The following ATRNL1 variants were observed in gnomAD, a reference collection of about 807,000 sequenced individuals.
The protein encoded by ATRNL1 is attractin-like protein 1.
ATRNL1 carries 95 observed loss-of-function variants against 182.7 expected under a neutral mutation model. That is an observed-to-expected ratio of 0.52 (90% CI 0.44 to 0.62). The LOEUF is 0.62. Ranked by LOEUF, ATRNL1 falls within the 20% of genes least tolerant of loss-of-function variation. The pLI, the probability that ATRNL1 is intolerant of heterozygous loss-of-function variation, is 0.00. For missense variants in ATRNL1, 1,471 were observed against 1,679.5 expected, an observed-to-expected ratio of 0.88 and a Z score of 2.17; for synonymous variants, 576 against 568.3, an observed-to-expected ratio of 1.01 and a Z score of -0.19.
intron 25 of ATRNL1, among the ~76,000 whole-genome samples, chr10:115,539,027 G>GATA (rs1554991242): frequency 1.2e-4 from 18 of 152,268 alleles, no homozygotes; most frequent in Non-Finnish European, 1.9e-4. Context: ...ATGTGTAGTA[G>GATA]GGTATACCAT....
chr10:115,228,798 T>C (rs1178798294), intron 9 of ATRNL1, among the ~76,000 whole-genome samples: 2 of 148,294 alleles, frequency 1.3e-5, no homozygotes, highest in Non-Finnish European at 3.0e-5. Flanking sequence ...GAAGTTTCGC[T>C]CTTGTTTCCC....
intron 27 of ATRNL1, among the ~76,000 whole-genome samples, chr10:115,842,529 T>A (rs1431667784): frequency 1.3e-5 from 2 of 152,100 alleles, no homozygotes; most frequent in East Asian, 3.9e-4. Context: ...CATTTTCCAG[T>A]TGGGGAAACT....
At chr10:115,693,492 T>C (rs1241430071) in intron 26 of ATRNL1, among the ~76,000 whole-genome samples, 1 of 152,150 alleles carries the variant, frequency 6.6e-6, no homozygotes, top group Non-Finnish European at 1.5e-5. Flanking sequence ...CAAGCTGAAA[T>C]GTAAGACAAT....
At chr10:115,402,244 G>C (rs1259180925) in intron 20 of ATRNL1, among the ~76,000 whole-genome samples, 2 of 152,090 alleles carry the variant, frequency 1.3e-5, no homozygotes, top group Non-Finnish European at 2.9e-5. Flanking sequence ...ATATTTATGA[G>C]CACATTTTTC....
chr10:115,543,538 AATAT>A (rs1476650030), intron 25 of ATRNL1, among the ~76,000 whole-genome samples: 1 of 152,178 alleles, frequency 6.6e-6, no homozygotes, highest in Non-Finnish European at 1.5e-5. Flanking sequence ...CATCTTTTAA[AATAT>A]GTACTTAAGA....
chr10:115,104,117 A>C (rs550990477), intron 1 of ATRNL1, among the ~76,000 whole-genome samples: 1 of 152,320 alleles, frequency 6.6e-6, no homozygotes, highest in South Asian at 2.1e-4. Flanking sequence ...AGGAACCTGC[A>C]AACTGTTCTG....
At chr10:115,124,107 C>T (rs977656317) in intron 3 of ATRNL1, among the ~76,000 whole-genome samples, 8 of 152,030 alleles carry the variant, frequency 5.3e-5, no homozygotes, top group Admixed American at 1.3e-4. Flanking sequence ...CATCCTCCCC[C>T]GGTCTGTGGA....
chr10:115,150,544 T>A (rs1468366948), intron 5 of ATRNL1, among the ~76,000 whole-genome samples: 1 of 152,080 alleles, frequency 6.6e-6, no homozygotes, highest in Non-Finnish European at 1.5e-5. Flanking sequence ...GATTTTCATT[T>A]GTTTCAAAAA....
intron 26 of ATRNL1, among the ~76,000 whole-genome samples, chr10:115,642,238 A>G (rs1329558898): frequency 6.6e-6 from 1 of 152,188 alleles, no homozygotes; most frequent in Non-Finnish European, 1.5e-5. Flanking sequence ...AAAGAATGCA[A>G]TTCCTAAAAC....
At chr10:115,300,375 C>A in intron 16 of ATRNL1, 128 bp downstream of exon 16, 1 of 660,710 alleles carries the variant, frequency 1.5e-6, no homozygotes, top group Admixed American at 3.5e-5. Context: ...CACATTCTTC[C>A]CCACTTACTA....
intron 26 of ATRNL1, among the ~76,000 whole-genome samples, chr10:115,706,364 A>G (rs1343029653): frequency 6.6e-6 from 1 of 151,786 alleles, no homozygotes; most frequent in Non-Finnish European, 1.5e-5. Flanking sequence ...GCCCCTCAGG[A>G]TGATCCAGGA....
At chr10:115,281,615 T>G (rs1852364736) in intron 14 of ATRNL1, 128 bp downstream of exon 14, 1 of 894,998 alleles carries the variant, frequency 1.1e-6, no homozygotes, top group South Asian at 2.0e-5. Flanking sequence ...CCTATAATAT[T>G]GTAGTACTAA....
intron 17 of ATRNL1, among the ~76,000 whole-genome samples, chr10:115,307,045 T>C (rs1853770672): frequency 6.6e-6 from 1 of 152,188 alleles, no homozygotes; most frequent in African/African-American, 2.4e-5. Context: ...TTTTGATCTT[T>C]TGCTTCTTTT....
intron 27 of ATRNL1, among the ~76,000 whole-genome samples, chr10:115,817,877 GTTTT>G (rs35087740): frequency 0.47 from 62,445 of 134,220 alleles, 13,432 homozygotes; most frequent in East Asian, 0.66. Context: ...TTTACGTTGT[GTTTT>G]TTTTTTTTTT....
intron 26 of ATRNL1, among the ~76,000 whole-genome samples, chr10:115,617,501 A>G (rs1555021208): frequency 1.3e-5 from 2 of 152,136 alleles, no homozygotes; most frequent in South Asian, 4.1e-4. Flanking sequence ...CTGGGATTAC[A>G]GGCATGCACC....
At chr10:115,596,664 G>A (rs186538341) in intron 26 of ATRNL1, among the ~76,000 whole-genome samples, 265 of 152,262 alleles carry the variant, frequency 1.7e-3, no homozygotes, top group African/African-American at 5.9e-3. Context: ...GGTAGAGCTA[G>A]GACAGTATTG....
intron 10 of ATRNL1, among the ~76,000 whole-genome samples, chr10:115,248,991 T>A (rs920467541): frequency 2.6e-5 from 4 of 152,136 alleles, no homozygotes; most frequent in African/African-American, 2.4e-5. Flanking sequence ...ATTGGCATTT[T>A]AAGTGAAACA....
intron 5 of ATRNL1, among the ~76,000 whole-genome samples, chr10:115,135,200 A>G (rs1205476771): frequency 1.3e-5 from 2 of 152,128 alleles, no homozygotes; most frequent in African/African-American, 4.8e-5. Context: ...ATCAGGCAGG[A>G]GAAAGAAATA....
At chr10:115,732,132 G>A (rs1339939691) in intron 27 of ATRNL1, among the ~76,000 whole-genome samples, 1 of 152,050 alleles carries the variant, frequency 6.6e-6, no homozygotes, top group Non-Finnish European at 1.5e-5. Context: ...GAACATTTGT[G>A]TAAAAAAAAT....
Sources: allele counts gnomAD v4.1 joint callset (sites outside exome capture counted in the v4.1 genomes callset), GRCh38; gene constraint gnomAD v4.1.1; transcripts MANE v1.5; gene names NCBI Gene and HGNC (gene_info 2026-07-23, HGNC 2026-07-21).